Variants in GNAL observed in about 807,000 individuals in gnomAD.
GNAL encodes the protein G protein subunit alpha L.
A neutral mutation model predicts 55.1 loss-of-function variants in GNAL; 18 were observed. That is an observed-to-expected ratio of 0.33 (90% CI 0.23 to 0.48). The LOEUF (loss-of-function observed/expected upper bound fraction) is 0.48, where lower values mean the gene tolerates loss of function less well. Among genes scored for constraint, GNAL ranks in the 20% least tolerant of loss-of-function variants. The probability of loss-of-function intolerance (pLI) is 0.99; values close to 1 mark genes in which losing one functional copy is unlikely to be tolerated. For synonymous variants in GNAL, 253 were observed against 237.0 expected, an observed-to-expected ratio of 1.07 and a Z score of -0.62; for missense variants, 412 against 614.1, an observed-to-expected ratio of 0.67 and a Z score of 3.48.
At chr18:11,799,274 C>T (rs182988757) in intron 4 of GNAL, among the ~76,000 whole-genome samples, 97 of 152,268 alleles carry the variant, frequency 6.4e-4, no homozygotes, top group Non-Finnish European at 1.1e-3. Flanking sequence ...TATCATGTCT[C>T]CAGCCCAGAA....
chr18:11,785,890 C>T (rs1307482462), intron 4 of GNAL, among the ~76,000 whole-genome samples: 1 of 152,170 alleles, frequency 6.6e-6, no homozygotes, highest in Non-Finnish European at 1.5e-5. Context: ...CTCCCACTCC[C>T]CTGGCAAGTG....
rs1418324099 is a variant in GNAL, at chr18:11,753,616, C to T, written c.450-12C>T. ...AGTAAATTAAGCTAATAACAACTCT[C>T]TTTCAATACAGGGAAAAGAAACAGA... On this transcript the variant is annotated splice_polypyrimidine_tract_variant and intron_variant, in intron 2 of 11. Coordinates refer to ENST00000334049, the MANE Select transcript of GNAL (RefSeq NM_182978.4). The T allele has an allele frequency of 6.5e-7, 1 of 1,534,356 alleles. No individual in the cohort carries two copies. The highest frequency in any genetic ancestry group is 1.4e-5 in the African/African-American group (1 of 73,420).
At chr18:11,878,969 GT>G (rs201849190) in intron 11 of GNAL, among the ~76,000 whole-genome samples, 3,975 of 144,864 alleles carry the variant, frequency 0.027, 238 homozygotes, top group East Asian at 0.16. Flanking sequence ...GGTTGGAGGA[GT>G]GGGGAGGGAT....
chr18:11,696,345 AC>A (rs2031411290), intron 1 of GNAL, among the ~76,000 whole-genome samples: 1 of 123,328 alleles, frequency 8.1e-6, no homozygotes, highest in Non-Finnish European at 1.6e-5. Context: ...TACTAAAAAT[AC>A]AAAAAAAAAT....
At chr18:11,851,490 G>A in intron 5 of GNAL, 1 of 1,520,446 alleles carries the variant, frequency 6.6e-7, no homozygotes, top group Non-Finnish European at 8.8e-7. Context: ...CCGGGCCGCC[G>A]ACCCAAAGGA....
At chr18:11,803,084 A>G (rs561384966) in intron 4 of GNAL, among the ~76,000 whole-genome samples, 1 of 152,316 alleles carries the variant, frequency 6.6e-6, no homozygotes, top group East Asian at 1.9e-4. Context: ...TAAAATACAT[A>G]TAACATAAAT....
chr18:11,855,043 CCT>C (rs77171910), intron 5 of GNAL, among the ~76,000 whole-genome samples: 20,437 of 152,106 alleles, frequency 0.13, 2,091 homozygotes, highest in African/African-American at 0.29. Flanking sequence ...GCCTCAGCCC[CCT>C]GAGTAGCTGG....
chr18:11,859,767 A>G (rs983635152), intron 5 of GNAL, among the ~76,000 whole-genome samples: 2 of 150,090 alleles, frequency 1.3e-5, no homozygotes, highest in African/African-American at 4.9e-5. Flanking sequence ...TTTTTTTGAG[A>G]CGGAGTCTCA....
rs139519258 is a variant in GNAL, at chr18:11,873,009, C to T, written c.1162+611C>T. Among the ~76,000 whole-genome samples, 1,280 of 152,236 alleles carry T rather than the reference C, an allele frequency of 8.4e-3. 50 individuals carry two copies. Among genetic ancestry groups the T allele is most frequent in the Admixed American group, 0.072 (1,094 of 15,280 alleles). Reference sequence around the variant, plus strand: ...AGGCCACCTGAGACTGAGGGGTTTCCGGGGCACGGGACCGTCAGTGCTAAA... The same window carrying T: ...AGGCCACCTGAGACTGAGGGGTTTCTGGGGCACGGGACCGTCAGTGCTAAA... On this transcript the variant is annotated intron_variant, in intron 10 of 11. Transcript: ENST00000334049.
chr18:11,757,464 A>T (rs1290272425), intron 4 of GNAL, among the ~76,000 whole-genome samples: 1 of 152,218 alleles, frequency 6.6e-6, no homozygotes, highest in African/African-American at 2.4e-5. Context: ...GACTAGTCTA[A>T]TAATACAGTG....
chr18:11,691,095 A>C (rs1435644275), intron 1 of GNAL, among the ~76,000 whole-genome samples: 1 of 150,424 alleles, frequency 6.6e-6, no homozygotes, highest in Non-Finnish European at 1.5e-5. Flanking sequence ...AAGTGTTCCT[A>C]TTTCTCCACA....
chr18:11,867,262 G>GA (rs1303880327), intron 8 of GNAL, 36 bp downstream of exon 8: 2 of 1,267,000 alleles, frequency 1.6e-6, no homozygotes, highest in Admixed American at 3.4e-5. Context: ...AAATAGGAGT[G>GA]AATTCTAACA....
chr18:11,771,893 T>C (rs1054749040), intron 4 of GNAL, among the ~76,000 whole-genome samples: 2 of 152,166 alleles, frequency 1.3e-5, no homozygotes, highest in African/African-American at 4.8e-5. Flanking sequence ...TTTTTTGTTT[T>C]TTTTAGTAGT....
intron 1 of GNAL, among the ~76,000 whole-genome samples, chr18:11,725,643 C>T (rs1159849871): frequency 6.6e-6 from 1 of 152,148 alleles, no homozygotes; most frequent in Non-Finnish European, 1.5e-5. Flanking sequence ...CATTTCTTTT[C>T]ATCATCAAAT....
At chr18:11,764,367 A>G (rs2033340554) in intron 4 of GNAL, among the ~76,000 whole-genome samples, 1 of 152,056 alleles carries the variant, frequency 6.6e-6, no homozygotes, top group Non-Finnish European at 1.5e-5. Context: ...TTGACCTCCC[A>G]AGGTGTTGGG....
At chr18:11,830,144 C>T (rs1001492790) in intron 5 of GNAL, among the ~76,000 whole-genome samples, 4 of 152,152 alleles carry the variant, frequency 2.6e-5, no homozygotes, top group Non-Finnish European at 4.4e-5. Flanking sequence ...CGTACTCACT[C>T]GCCTTTCCCC....
At position 11,877,299 on chromosome 18, in the gene GNAL, C is replaced by CA. The variant is rs1015880928; in HGVS notation, c.1230+617dup. ...TGAAACCCCATCTCTACTAAAAATA[C>CA]AAAAAATTAGCTGGGTGTGGTGGCA... On this transcript the variant is annotated intron_variant, in intron 11 of 11. Coordinates refer to ENST00000334049, the MANE Select transcript of GNAL (RefSeq NM_182978.4). Among the ~76,000 whole-genome samples, 6 of 151,944 alleles carry CA rather than the reference C, an allele frequency of 3.9e-5. 1 individual carries two copies. Among genetic ancestry groups the CA allele is most frequent in the East Asian group, 3.9e-4 (2 of 5,172 alleles).
chr18:11,862,341 C>G, intron 5 of GNAL, 54 bp from the exon 6 acceptor site: 1 of 1,439,544 alleles, frequency 6.9e-7, no homozygotes, highest in Non-Finnish European at 9.8e-7. Flanking sequence ...CTCCCCAACC[C>G]CAGGGGAAAG....
chr18:11,691,394 C>T (rs979196218), intron 1 of GNAL, among the ~76,000 whole-genome samples: 3 of 151,344 alleles, frequency 2.0e-5, no homozygotes, highest in African/African-American at 7.3e-5. Context: ...CGAAAATTTT[C>T]TCCCATTTTG....
Sources: allele counts gnomAD v4.1 joint callset (sites outside exome capture counted in the v4.1 genomes callset), GRCh38; gene constraint gnomAD v4.1.1; transcripts MANE v1.5; gene names NCBI Gene and HGNC (gene_info 2026-07-23, HGNC 2026-07-21).